Variants in PTPRN2 observed in about 807,000 individuals in gnomAD.
PTPRN2 encodes the protein protein tyrosine phosphatase receptor type N2, also known as receptor-type tyrosine-protein phosphatase N2.
A neutral mutation model predicts 118.8 loss-of-function variants in PTPRN2; 74 were observed. That is an observed-to-expected ratio of 0.62 (90% CI 0.52 to 0.76). The LOEUF (loss-of-function observed/expected upper bound fraction) is 0.76. Ranked by LOEUF, PTPRN2 falls within the 30% of genes least tolerant of loss-of-function variation. PTPRN2 has a pLI of 0.00. For synonymous variants in PTPRN2, 641 were observed against 608.0 expected, an observed-to-expected ratio of 1.05 and a Z score of -0.80; for missense variants, 1,481 against 1,394.4, an observed-to-expected ratio of 1.06 and a Z score of -0.99.
intron 2 of PTPRN2, among the ~76,000 whole-genome samples, chr7:158,391,718 G>T (rs1423033173): frequency 6.6e-6 from 1 of 152,186 alleles, no homozygotes; most frequent in Non-Finnish European, 1.5e-5. Context: ...TGCCCAGGCT[G>T]GATGCAGCCC....
In PTPRN2 at chr7:157,587,818, A is replaced by G. The variant is rs1800762098; in HGVS notation, c.2496+7420T>C. Reference sequence around the variant, plus strand: ...TTGTCCTCTTGGCTGAGCCTCCCATACAGGGAGCCAGTTCCCACGGTGGCT... The same window carrying G: ...TTGTCCTCTTGGCTGAGCCTCCCATGCAGGGAGCCAGTTCCCACGGTGGCT... On this transcript the variant is annotated intron_variant, in intron 17 of 22. Coordinates refer to ENST00000389418, the MANE Select transcript of PTPRN2 (RefSeq NM_002847.5). This position sits in a 1 kb window ranked among gnomAD's most constrained non-coding sequence, Gnocchi z 5.3. Among the ~76,000 whole-genome samples, 1 of 152,192 alleles carries G rather than the reference A, an allele frequency of 6.6e-6. No homozygotes were observed. Among genetic ancestry groups the G allele is most frequent in the African/African-American group, 2.4e-5 (1 of 41,450 alleles).
In PTPRN2 at chr7:157,615,912, C is replaced by G. The variant is rs936516661; in HGVS notation, c.2344+5450G>C. 16 of 312,558 alleles carry G rather than the reference C, an allele frequency of 5.1e-5. No individual in the cohort carries two copies. The highest frequency in any genetic ancestry group is 8.8e-5 in the Non-Finnish European group (14 of 159,330). The allele number at this position is 312,558 out of a possible 1,614,324, so 19.4% of individuals were successfully genotyped here. A position where few individuals can be genotyped will look rare whatever the true frequency, so the allele number is the denominator to read the frequency against. ...TGGGTTCGGCCTCAGAATCAGCCGGCGCTGAGATGTGCACCTGGCAGGATG... is the reference window on the plus strand; with the variant it reads ...TGGGTTCGGCCTCAGAATCAGCCGGGGCTGAGATGTGCACCTGGCAGGATG... On this transcript the variant is annotated intron_variant, in intron 15 of 22. Transcript: ENST00000389418. The surrounding 1 kb of genome is among the most constrained non-coding windows in gnomAD (Gnocchi z 4.3).
chr7:157,839,979 C>T (rs1334162810), intron 12 of PTPRN2, among the ~76,000 whole-genome samples: 1 of 120,716 alleles, frequency 8.3e-6, no homozygotes, highest in African/African-American at 3.3e-5. Context: ...TGTGTGACCA[C>T]ATTTGACTGT....
chr7:157,802,061 C>A (rs896030559), intron 12 of PTPRN2, among the ~76,000 whole-genome samples: 1 of 152,140 alleles, frequency 6.6e-6, no homozygotes, highest in Non-Finnish European at 1.5e-5. Flanking sequence ...TCTCCGACTC[C>A]GCTTCCTTCA....
chr7:158,071,841 T>A (rs1585342828), intron 11 of PTPRN2, among the ~76,000 whole-genome samples: 1 of 40,112 alleles, frequency 2.5e-5, no homozygotes, highest in Admixed American at 2.6e-4. Flanking sequence ...GTGGTGGAGG[T>A]GCTCGTGGTG....
At chr7:157,594,254 G>C (rs1647813052) in intron 17 of PTPRN2, among the ~76,000 whole-genome samples, 1 of 152,256 alleles carries the variant, frequency 6.6e-6, no homozygotes, top group African/African-American at 2.4e-5. Flanking sequence ...TGACGGGAAA[G>C]CCAGGAAAGG....
At chr7:158,029,606 A>C (rs1199376689) in intron 11 of PTPRN2, 1 of 152,328 alleles carries the variant, frequency 6.6e-6, no homozygotes, top group Non-Finnish European at 1.5e-5. Flanking sequence ...CAGCAAGCAG[A>C]AATAACACGT....
chr7:157,759,675 G>T (rs1638756), intron 12 of PTPRN2, among the ~76,000 whole-genome samples: 1 of 152,096 alleles, frequency 6.6e-6, no homozygotes, highest in Admixed American at 6.5e-5. Flanking sequence ...CAATGATGTT[G>T]GTGTTCAGAT....
At chr7:157,599,344 T>G (rs924579305) in intron 16 of PTPRN2, among the ~76,000 whole-genome samples, 11 of 152,214 alleles carry the variant, frequency 7.2e-5, no homozygotes, top group South Asian at 2.1e-4. Flanking sequence ...CCCATTTGTC[T>G]GTGTTGACTC....
chr7:157,660,388 C>T (rs1008142644), intron 13 of PTPRN2, among the ~76,000 whole-genome samples: 4 of 152,134 alleles, frequency 2.6e-5, no homozygotes, highest in Non-Finnish European at 5.9e-5. Context: ...CACCAAGAGG[C>T]CCCACAGGAC....
intron 10 of PTPRN2, among the ~76,000 whole-genome samples, chr7:158,082,969 G>A (rs1327554679): frequency 6.6e-6 from 1 of 152,164 alleles, no homozygotes; most frequent in Non-Finnish European, 1.5e-5. Context: ...TCAGAAAGGA[G>A]GAGGCCACTC....
chr7:157,809,875 C>T (rs1169659404), intron 12 of PTPRN2, among the ~76,000 whole-genome samples: 3 of 152,196 alleles, frequency 2.0e-5, no homozygotes, highest in Non-Finnish European at 4.4e-5. Flanking sequence ...CCCAGTCCTG[C>T]TGGGCCCTGC....
intron 11 of PTPRN2, among the ~76,000 whole-genome samples, chr7:157,981,361 T>C (rs919836071): frequency 6.7e-6 from 1 of 148,440 alleles, no homozygotes; most frequent in Admixed American, 6.6e-5. Context: ...GTGAAACTGC[T>C]CAAACTCCTG....
In PTPRN2 at chr7:158,544,619, C is replaced by A. The variant is rs973332509; in HGVS notation, c.112+42939G>T. On this transcript the variant is annotated intron_variant, in intron 1 of 22. Coordinates refer to ENST00000389418, the MANE Select transcript of PTPRN2 (RefSeq NM_002847.5). The surrounding 1 kb of genome is among the most constrained non-coding windows in gnomAD (Gnocchi z 4.2). ...CACCATTGTACTCCAGCCTGGGCAA[C>A]AAGAACCAAACTCTGTCTCAAAAAA... 8.7e-5 allele frequency among the ~76,000 whole-genome samples: 13 copies of A among 150,014 alleles called. No homozygotes were observed. The highest frequency in any genetic ancestry group is 2.9e-4 in the African/African-American group (12 of 40,748).
chr7:158,173,415 GTTT>G (rs2150625973), intron 5 of PTPRN2, among the ~76,000 whole-genome samples: 1 of 152,330 alleles, frequency 6.6e-6, no homozygotes, highest in South Asian at 2.1e-4. Flanking sequence ...AAACCAGCAA[GTTT>G]TTATTAGGGA....
intron 5 of PTPRN2, among the ~76,000 whole-genome samples, chr7:158,180,265 T>C (rs1190742127): frequency 6.6e-6 from 1 of 152,250 alleles, no homozygotes; most frequent in African/African-American, 2.4e-5. Context: ...TCTATGCTTT[T>C]TCAAAGATCA....
intron 3 of PTPRN2, among the ~76,000 whole-genome samples, chr7:158,297,348 G>A (rs1800574359): frequency 6.6e-6 from 1 of 152,166 alleles, no homozygotes; most frequent in South Asian, 2.1e-4. Context: ...CTGTTCAAAG[G>A]GATCTGCCAG....
At chr7:158,512,411 C>T (rs888968640) in intron 1 of PTPRN2, among the ~76,000 whole-genome samples, 2 of 152,162 alleles carry the variant, frequency 1.3e-5, no homozygotes, top group Non-Finnish European at 2.9e-5. Flanking sequence ...GAATAATCCA[C>T]ATGGTAAGAG....
intron 11 of PTPRN2, among the ~76,000 whole-genome samples, chr7:158,017,602 C>T (rs1475405269): frequency 1.3e-5 from 2 of 152,202 alleles, no homozygotes; most frequent in African/African-American, 4.8e-5. Flanking sequence ...CACACAGTTT[C>T]AGCATTGATG....
Sources: allele counts gnomAD v4.1 joint callset (sites outside exome capture counted in the v4.1 genomes callset), GRCh38; gene constraint gnomAD v4.1.1; non-coding constraint Gnocchi (gnomAD v3.1); transcripts MANE v1.5; gene names NCBI Gene and HGNC (gene_info 2026-07-23, HGNC 2026-07-21).